The following ARFGEF2 variants were observed in gnomAD, a reference collection of about 807,000 sequenced individuals.
ARFGEF2 encodes ARF guanine nucleotide exchange factor 2, also known as brefeldin A-inhibited guanine nucleotide-exchange protein 2.
In ARFGEF2, 74 loss-of-function variants were observed where a neutral mutation model predicts 219.9. The observed-to-expected ratio is 0.34, with a 90% CI of 0.28 to 0.41. The LOEUF (loss-of-function observed/expected upper bound fraction) is 0.41. Among genes scored for constraint, ARFGEF2 ranks in the 10% least tolerant of loss-of-function variants. The pLI is 1.00. For missense variants in ARFGEF2, 1,743 were observed against 2,218.3 expected, an observed-to-expected ratio of 0.79 and a Z score of 4.30; for synonymous variants, 733 against 799.2, an observed-to-expected ratio of 0.92 and a Z score of 1.40.
chr20:48,963,812 ATTTGGATGTGTGTG>A lies in ARFGEF2; in HGVS notation c.839-16_839-3del. 6.2e-7 allele frequency: 1 copy of A among 1,612,690 alleles called. No individual in the cohort carries two copies. The highest frequency in any genetic ancestry group is 8.5e-7 in the Non-Finnish European group (1 of 1,178,964). ...GAAAATGCCCACGTGTGTTTTGTATATTTGGATGTGTGTGTAGGGACTGATGACGGAGCCCAGGA... is the reference window on the plus strand; with the variant it reads ...GAAAATGCCCACGTGTGTTTTGTATATAGGGACTGATGACGGAGCCCAGGA... On this transcript the variant is annotated splice_polypyrimidine_tract_variant and splice_region_variant and intron_variant, in intron 6 of 38. Coordinates refer to ENST00000371917, the MANE Select transcript of ARFGEF2 (RefSeq NM_006420.3).
chr20:48,931,869 A>G (rs779257828), intron 1 of ARFGEF2, among the ~76,000 whole-genome samples: 15 of 152,212 alleles, frequency 9.9e-5, no homozygotes, highest in Non-Finnish European at 1.8e-4. Context: ...TGGGATGGAA[A>G]GCTACTGGAG....
rs1030758387 is a variant in ARFGEF2, at chr20:48,994,728, T to C, written c.3121+130T>C. 1.8e-5 allele frequency: 25 copies of C among 1,355,764 alleles called. No individual in the cohort carries two copies. The Admixed American group carries it at 3.0e-4, about 16-fold the overall frequency. 84.0% of individuals were successfully genotyped at this position (1,355,764 alleles called of 1,614,324 possible). A position where few individuals can be genotyped will look rare whatever the true frequency, so the allele number is the denominator to read the frequency against. On this transcript the variant is annotated intron_variant, in intron 22 of 38. Transcript: ENST00000371917. The stretch of plus-strand genomic sequence containing the variant: ...TGTGCCATCTGACAGTGTTCATGAA[T>C]GCAAGTGGACGTGCTGCTTTGGCCT...
intron 14 of ARFGEF2, 119 bp from the exon 15 acceptor site, chr20:48,984,610 C>G: frequency 7.6e-7 from 1 of 1,311,240 alleles, no homozygotes; most frequent in South Asian, 1.2e-5. Flanking sequence ...CATGACCTTG[C>G]TAGCTTATAC....
chr20:49,017,982 T>C (rs1184686029), intron 33 of ARFGEF2, among the ~76,000 whole-genome samples: 4 of 152,360 alleles, frequency 2.6e-5, no homozygotes, highest in Non-Finnish European at 2.9e-5. Flanking sequence ...AATAGTGCTT[T>C]GGCGTAACTG....
rs148645863 is a variant in ARFGEF2, at chr20:48,947,093, C to G, written c.277-4230C>G. On this transcript the variant is annotated intron_variant, in intron 3 of 38. Transcript: ENST00000371917. ...ATATCCTGCCAATATATTCATATTT[C>G]TTTAATTTAAAATTATAGGTTAGGG... Among the ~76,000 whole-genome samples, 1,140 of 152,244 alleles carry G rather than the reference C, an allele frequency of 7.5e-3. 5 individuals carry two copies. The highest frequency in any genetic ancestry group is 0.017 in the Middle Eastern group (5 of 294).
chr20:48,971,469 C>T, intron 10 of ARFGEF2, 115 bp downstream of exon 10: 2 of 958,202 alleles, frequency 2.1e-6, no homozygotes, highest in South Asian at 1.5e-5. Context: ...GAAAATGGTT[C>T]ATGAAAATGT....
Position 49,012,098 on chromosome 20 carries a change from C to A in ARFGEF2, c.3918+14C>A, listed in dbSNP as rs1445858319. On this transcript the variant is annotated intron_variant, in intron 28 of 38. Coordinates refer to ENST00000371917, the MANE Select transcript of ARFGEF2 (RefSeq NM_006420.3). ...GAGAGGCCTCGGGTTCGTTTTTCCC[C>A]ACCTTACTCAGATGGGCAGTGAAGG... 1.2e-6 allele frequency: 2 copies of A among 1,614,180 alleles called. No individual in the cohort carries two copies. The highest frequency in any genetic ancestry group is 1.7e-6 in the Non-Finnish European group (2 of 1,180,032).
At chr20:48,925,613 ATTGCATGAGCCCAGGAGTT>A (rs1254738377) in intron 1 of ARFGEF2, among the ~76,000 whole-genome samples, 2 of 152,188 alleles carry the variant, frequency 1.3e-5, no homozygotes, top group Admixed American at 6.5e-5. Flanking sequence ...AGGTGGGCAG[ATTGCATGAGCCCAGGAGTT>A]TGAGACCAGC....
At position 48,952,803 on chromosome 20, in the gene ARFGEF2, A is replaced by T. The variant is rs747905295; in HGVS notation, c.522A>T (p.Lys174Asn). Residue 174 changes from lysine to asparagine, a missense_variant, in exon 5 of 39, where the codon AAA becomes AAT. Physicochemically the swap from Lys to Asn is moderately conservative, Grantham distance 94. Transcript: ENST00000371917. The stretch of plus-strand genomic sequence containing the variant: ...GTTACAATATCTATTTGGCCAGCAA[A>T]AATCTCATCAATCAAACCACTGCCA... ...RTCYNIYLAS[K>N]NLINQTTAKA... 6.2e-7 allele frequency: 1 copy of T among 1,614,208 alleles called. No homozygotes were observed. The highest frequency in any genetic ancestry group is 8.5e-7 in the Non-Finnish European group (1 of 1,180,038).
intron 25 of ARFGEF2, among the ~76,000 whole-genome samples, chr20:49,000,435 C>T (rs1447812137): frequency 6.6e-6 from 1 of 152,174 alleles, no homozygotes; most frequent in Non-Finnish European, 1.5e-5. Context: ...GAAGGTCCCT[C>T]TTTGGAGGTG....
At chr20:48,968,986 G>T (rs551742163) in intron 8 of ARFGEF2, among the ~76,000 whole-genome samples, 161 bp from the exon 9 acceptor site, 1 of 151,804 alleles carries the variant, frequency 6.6e-6, no homozygotes, top group South Asian at 2.1e-4. Context: ...TTTGAGATAC[G>T]GTCTCACTAT....
intron 14 of ARFGEF2, among the ~76,000 whole-genome samples, chr20:48,976,547 G>A (rs2091263119): frequency 1.3e-5 from 2 of 152,070 alleles, no homozygotes; most frequent in African/African-American, 4.8e-5. Flanking sequence ...AGTGGCTCAC[G>A]CCTGTAATCC....
chr20:49,010,195 A>T (rs7352453), intron 26 of ARFGEF2, 37 bp from the exon 27 acceptor site: 2 of 1,600,862 alleles, frequency 1.2e-6, no homozygotes, highest in Non-Finnish European at 1.7e-6. Context: ...CCATTCTCCA[A>T]AGTACAGACG....
rs143004121 is a variant in ARFGEF2, at chr20:49,015,944, T to C, written c.4180-336T>C. On this transcript the variant is annotated intron_variant, in intron 30 of 38. Coordinates refer to ENST00000371917, the MANE Select transcript of ARFGEF2 (RefSeq NM_006420.3). ...ATTTATGCATTTTTAAATATATAAA[T>C]AATGTAGCATATGCATACATGAGTT... 4.8e-3 allele frequency among the ~76,000 whole-genome samples: 724 copies of C among 152,374 alleles called. 3 individuals are homozygous for C. The highest frequency in any genetic ancestry group is 0.016 in the African/African-American group (686 of 41,586).
intron 1 of ARFGEF2, among the ~76,000 whole-genome samples, chr20:48,931,831 A>G (rs2090915275): frequency 6.6e-6 from 1 of 152,218 alleles, no homozygotes; most frequent in African/African-American, 2.4e-5. Context: ...TTGGAGGCCA[A>G]GATCGAGAGT....
chr20:48,947,107 T>G (rs1347177505), intron 3 of ARFGEF2, among the ~76,000 whole-genome samples: 1 of 152,150 alleles, frequency 6.6e-6, no homozygotes. Flanking sequence ...AATTTAAAAT[T>G]ATAGGTTAGG....
chr20:49,010,334 C>T lies in ARFGEF2; in HGVS notation c.3687C>T (p.Phe1229=), dbSNP rs2091490257. The T allele has an allele frequency of 6.2e-7, 1 of 1,614,002 alleles. No homozygotes were observed. Among genetic ancestry groups the T allele is most frequent in the African/African-American group, 1.3e-5 (1 of 74,912 alleles). Residue 1229 remains phenylalanine, a synonymous_variant, in exon 27 of 39, where the codon TTC becomes TTT. Transcript: ENST00000371917. ...GTTGGAAGAACATCTTTGCCGTGTT[C>T]CACCAGGCAGCCTCTGATCATGATG... is the stretch of plus-strand genomic sequence containing the variant. ...RSGWKNIFAV[F]HQAASDHDGN...
At chr20:48,942,941 C>T (rs977080956) in intron 3 of ARFGEF2, among the ~76,000 whole-genome samples, 33 of 152,128 alleles carry the variant, frequency 2.2e-4, no homozygotes, top group African/African-American at 7.7e-4. Flanking sequence ...TAACATTGAA[C>T]TCAGGGGCCA....
chr20:48,951,518 C>T, intron 4 of ARFGEF2, 49 bp downstream of exon 4: 1 of 1,611,274 alleles, frequency 6.2e-7, no homozygotes. Context: ...AAAGCAAGTC[C>T]CTGTGGGAAT....
Sources: gnomAD v4.1 joint callset for allele counts (sites outside exome capture counted in the v4.1 genomes callset) on GRCh38, gnomAD v4.1.1 for gene constraint, MANE v1.5 for transcripts, NCBI Gene and HGNC (gene_info 2026-07-23, HGNC 2026-07-21) for gene names.